Variants in RIMS2 observed in about 807,000 individuals in gnomAD.
RIMS2 encodes the protein regulating synaptic membrane exocytosis protein 2.
A neutral mutation model predicts 174.4 loss-of-function variants in RIMS2; 59 were observed. The ratio of observed to expected loss-of-function variants is 0.34; its 90% CI spans 0.27 to 0.42. RIMS2 has a LOEUF of 0.42. Ranked by LOEUF, RIMS2 falls within the 10% of genes least tolerant of loss-of-function variation. The probability of loss-of-function intolerance (pLI) is 1.00; values close to 1 mark genes in which losing one functional copy is unlikely to be tolerated. For missense variants in RIMS2, 1,620 were observed against 1,666.3 expected (o/e 0.97, Z 0.48); for synonymous variants, 606 against 572.5 (o/e 1.06, Z -0.84).
At chr8:103,953,048 A>G (rs886070025) in intron 14 of RIMS2, among the ~76,000 whole-genome samples, 1 of 152,008 alleles carries the variant, frequency 6.6e-6, no homozygotes, top group Non-Finnish European at 1.5e-5. Context: ...ATAAAACAAG[A>G]TTAAAGGAAA....
In RIMS2 at chr8:104,223,670, G is replaced by C. The variant is rs756823872; in HGVS notation, c.3335-21246G>C. 1.3e-5 allele frequency: 21 copies of C among 1,590,976 alleles called. No homozygotes were observed. The South Asian group carries it at 1.3e-4, about 10-fold the overall frequency. On this transcript the variant is annotated intron_variant, in intron 19 of 23. Transcript: ENST00000504942. ...GTCCAAGATGGGCCGGCAGGGCTTGGGGGGTGCCAGCGCTGCGGGGCGCTC... is the reference window on the plus strand; with the variant it reads ...GTCCAAGATGGGCCGGCAGGGCTTGCGGGGTGCCAGCGCTGCGGGGCGCTC...
intron 19 of RIMS2, among the ~76,000 whole-genome samples, chr8:104,173,480 A>C (rs2098843881): frequency 6.6e-6 from 1 of 152,078 alleles, no homozygotes; most frequent in African/African-American, 2.4e-5. Flanking sequence ...ATTTTATTGA[A>C]GTAATCTTTA....
intron 6 of RIMS2, 23 bp from the exon 10 acceptor site, chr8:103,915,472 T>G (rs956698290): frequency 7.0e-7 from 1 of 1,418,978 alleles, no homozygotes; most frequent in Non-Finnish European, 9.9e-7. Flanking sequence ...ATTCCCATGT[T>G]AATACTTTCC....
chr8:104,097,676 G>T (rs574790090), intron 19 of RIMS2, among the ~76,000 whole-genome samples: 25 of 151,956 alleles, frequency 1.6e-4, no homozygotes, highest in Middle Eastern at 6.8e-3. Context: ...TGATTTAAAG[G>T]TTACTGTGCA....
At chr8:104,061,774 G>T (rs1432286420) in intron 19 of RIMS2, among the ~76,000 whole-genome samples, 1 of 151,688 alleles carries the variant, frequency 6.6e-6, no homozygotes, top group East Asian at 1.9e-4. Flanking sequence ...TGGATGCATT[G>T]TATTCTATAG....
chr8:103,516,591 A>T (rs17805787), intron 1 of RIMS2, among the ~76,000 whole-genome samples: 28,807 of 152,156 alleles, frequency 0.19, 2,945 homozygotes, highest in Middle Eastern at 0.3. Context: ...AACAATAAAA[A>T]GATTGACAAA....
At chr8:103,509,423 T>C (rs1825383306) in intron 1 of RIMS2, among the ~76,000 whole-genome samples, 1 of 152,150 alleles carries the variant, frequency 6.6e-6, no homozygotes, top group African/African-American at 2.4e-5. Flanking sequence ...TTGTTTTATA[T>C]GTTAGGCTTA....
chr8:103,829,554 C>T (rs1466941549), intron 3 of RIMS2, among the ~76,000 whole-genome samples: 1 of 152,172 alleles, frequency 6.6e-6, no homozygotes, highest in African/African-American at 2.4e-5. Context: ...ATCTCCTTTG[C>T]AGCAACATAG....
At chr8:103,759,556 C>T (rs1292844575) in intron 2 of RIMS2, among the ~76,000 whole-genome samples, 1 of 116,792 alleles carries the variant, frequency 8.6e-6, no homozygotes, top group Admixed American at 1.0e-4. Context: ...CAGAGCGAGA[C>T]TCCGTCTCAA....
chr8:104,222,158 T>A (rs531348335), intron 19 of RIMS2, among the ~76,000 whole-genome samples: 4 of 152,324 alleles, frequency 2.6e-5, no homozygotes, highest in Admixed American at 6.5e-5. Flanking sequence ...TTTGCATTCA[T>A]CTCCTTTTTA....
At chr8:103,557,783 T>C (rs1314358971) in intron 1 of RIMS2, among the ~76,000 whole-genome samples, 4 of 152,218 alleles carry the variant, frequency 2.6e-5, no homozygotes, top group Non-Finnish European at 5.9e-5. Flanking sequence ...TTTTCAGTTA[T>C]AATTTAGGCC....
intron 19 of RIMS2, chr8:104,223,688 G>T: frequency 6.3e-7 from 1 of 1,591,728 alleles, no homozygotes; most frequent in Non-Finnish European, 8.5e-7. Context: ...CAGCGCTGCG[G>T]GGCGCTCCAT....
At chr8:104,221,689 A>G (rs1368344478) in intron 19 of RIMS2, among the ~76,000 whole-genome samples, 1 of 152,180 alleles carries the variant, frequency 6.6e-6, no homozygotes, top group African/African-American at 2.4e-5. Flanking sequence ...GATGAGCCTA[A>G]GTCTAAACAG....
intron 1 of RIMS2, among the ~76,000 whole-genome samples, chr8:103,574,998 G>T (rs1342858527): frequency 6.6e-6 from 1 of 152,110 alleles, no homozygotes; most frequent in Non-Finnish European, 1.5e-5. Context: ...AGGATTCTTG[G>T]CAGAGCCACA....
At chr8:103,859,172 C>G (rs2099044886) in intron 3 of RIMS2, among the ~76,000 whole-genome samples, 1 of 152,034 alleles carries the variant, frequency 6.6e-6, no homozygotes, top group Non-Finnish European at 1.5e-5. Flanking sequence ...GCAATTGGTC[C>G]CAATACTTTT....
chr8:103,978,300 A>G (rs2093617397), intron 16 of RIMS2, among the ~76,000 whole-genome samples: 1 of 152,270 alleles, frequency 6.6e-6, no homozygotes, highest in Non-Finnish European at 1.5e-5. Flanking sequence ...GCTCAAACAT[A>G]AAATGTTTAT....
intron 19 of RIMS2, among the ~76,000 whole-genome samples, chr8:104,079,266 A>G (rs922872153): frequency 3.3e-5 from 5 of 152,212 alleles, no homozygotes; most frequent in East Asian, 1.9e-4. Flanking sequence ...AAGAGGGTCA[A>G]TCTGTGGAGA....
chr8:103,786,450 C>G (rs960163289), intron 3 of RIMS2, among the ~76,000 whole-genome samples: 1 of 151,820 alleles, frequency 6.6e-6, no homozygotes, highest in South Asian at 2.1e-4. Flanking sequence ...GAATGCGTCC[C>G]AGAGATTCTG....
chr8:104,223,158 G>A (rs1400376672), intron 19 of RIMS2, among the ~76,000 whole-genome samples: 3 of 152,290 alleles, frequency 2.0e-5, no homozygotes, highest in Admixed American at 6.5e-5. Flanking sequence ...CCTTAACCAC[G>A]CGGAGGGAAG....
Sources: gnomAD v4.1 joint callset for allele counts (sites outside exome capture counted in the v4.1 genomes callset) on GRCh38, gnomAD v4.1.1 for gene constraint, MANE v1.5 for transcripts, NCBI Gene and HGNC (gene_info 2026-07-23, HGNC 2026-07-21) for gene names.